NSG2: variants seen among roughly 807,000 people sequenced by gnomAD.
NSG2 encodes the protein neuronal vesicle trafficking-associated protein 2.
In NSG2, 4 loss-of-function variants were observed where a neutral mutation model predicts 16.9. The observed-to-expected ratio is 0.24, with a 90% CI of 0.12 to 0.54. The LOEUF (loss-of-function observed/expected upper bound fraction) is 0.54. NSG2 is among the 20% of genes least tolerant of loss of function. NSG2 has a pLI of 0.95. For missense variants in NSG2, 179 were observed against 221.1 expected, an observed-to-expected ratio of 0.81 and a Z score of 1.21; for synonymous variants, 98 against 88.7, an observed-to-expected ratio of 1.11 and a Z score of -0.59.
At chr5:174,061,828 C>T (rs1490109493) in intron 2 of NSG2, among the ~76,000 whole-genome samples, 1 of 151,552 alleles carries the variant, frequency 6.6e-6, no homozygotes, top group African/African-American at 2.4e-5. Context: ...TGGTCTTGAT[C>T]TCTTGACCCC....
rs1417049070 is a variant in NSG2 at position 174,061,047 on chromosome 5, A to G, written c.130-3185A>G. 3.3e-5 allele frequency among the ~76,000 whole-genome samples: 5 copies of G among 152,180 alleles called. No homozygotes were observed. In the South Asian group the frequency reaches 8.3e-4, roughly 25 times the overall value. On this transcript the variant is annotated intron_variant, in intron 2 of 4. Coordinates refer to ENST00000303177, the MANE Select transcript of NSG2 (RefSeq NM_015980.5). ...AATTAGAATGCTGCCTACCCCAAAA[A>G]GCAATTATTACCCCAAGGCTTGTGG... is the stretch of plus-strand genomic sequence containing the variant.
At chr5:174,061,636 G>T (rs1027169138) in intron 2 of NSG2, among the ~76,000 whole-genome samples, 3 of 152,022 alleles carry the variant, frequency 2.0e-5, no homozygotes, top group African/African-American at 7.2e-5. Flanking sequence ...ACAGAGTGTT[G>T]CTCTGTCGCC....
chr5:174,093,110 G>A (rs1007242736), intron 3 of NSG2, among the ~76,000 whole-genome samples: 6 of 152,188 alleles, frequency 3.9e-5, no homozygotes, highest in Admixed American at 3.3e-4. Context: ...ACAGGTCTGA[G>A]TTATAATCCT....
At chr5:174,075,159 T>C (rs1760316438) in intron 3 of NSG2, among the ~76,000 whole-genome samples, 1 of 152,206 alleles carries the variant, frequency 6.6e-6, no homozygotes, top group African/African-American at 2.4e-5. Flanking sequence ...AGCCTGTGAG[T>C]CATTTCCCAT....
chr5:174,057,426 G>A (rs1018520716), intron 2 of NSG2, among the ~76,000 whole-genome samples: 20 of 152,148 alleles, frequency 1.3e-4, no homozygotes, highest in Admixed American at 1.2e-3. Flanking sequence ...TAAAAAAAAG[G>A]AACTGTGACT....
At chr5:174,102,680 G>C (rs1295412203) in intron 3 of NSG2, among the ~76,000 whole-genome samples, 1 of 152,094 alleles carries the variant, frequency 6.6e-6, no homozygotes, top group Non-Finnish European at 1.5e-5. Context: ...TTCAGATAGT[G>C]GATAGGAACT....
At chr5:174,092,895 T>C (rs1760742317) in intron 3 of NSG2, among the ~76,000 whole-genome samples, 1 of 152,150 alleles carries the variant, frequency 6.6e-6, no homozygotes, top group South Asian at 2.1e-4. Context: ...TAAGCTGGGA[T>C]CCATGTAGAT....
chr5:174,066,969 G>A (rs1354104539), intron 3 of NSG2, among the ~76,000 whole-genome samples: 1 of 111,052 alleles, frequency 9.0e-6, no homozygotes, highest in Non-Finnish European at 1.6e-5. Context: ...CAGCCTGGGC[G>A]ACAGAGCGAG....
intron 4 of NSG2, 108 bp downstream of exon 4, chr5:174,104,446 C>A: frequency 2.6e-6 from 2 of 757,490 alleles, no homozygotes; most frequent in Non-Finnish European, 4.5e-6. Flanking sequence ...ACCTCTCTAC[C>A]GACTGTTTAA....
chr5:174,062,019 C>T (rs938512703), intron 2 of NSG2, among the ~76,000 whole-genome samples: 14 of 151,290 alleles, frequency 9.3e-5, no homozygotes, highest in African/African-American at 3.2e-4. Flanking sequence ...GGTGACACTG[C>T]AGCCTGACAG....
intron 2 of NSG2, among the ~76,000 whole-genome samples, chr5:174,061,134 T>TACACAC (rs57892892): frequency 6.6e-6 from 1 of 151,580 alleles, no homozygotes; most frequent in South Asian, 2.1e-4. Context: ...ATGTATATAT[T>TACACAC]ACACACACAC....
At chr5:174,104,067 G>T (rs1176842256) in intron 3 of NSG2, among the ~76,000 whole-genome samples, 161 bp from the exon 4 acceptor site, 2 of 152,138 alleles carry the variant, frequency 1.3e-5, no homozygotes, top group African/African-American at 4.8e-5. Context: ...GAGGCCCAAA[G>T]ACTGCAAGTT....
intron 3 of NSG2, among the ~76,000 whole-genome samples, chr5:174,089,200 T>TG (rs1437106459): frequency 1.3e-5 from 2 of 152,192 alleles, no homozygotes; most frequent in African/African-American, 2.4e-5. Context: ...TGTATTCACC[T>TG]GGCAAGCATC....
At chr5:174,054,019 C>T (rs1399891936) in intron 2 of NSG2, among the ~76,000 whole-genome samples, 1 of 152,228 alleles carries the variant, frequency 6.6e-6, no homozygotes, top group Non-Finnish European at 1.5e-5. Flanking sequence ...CTGGGAACAA[C>T]TTGGACTATT....
At position 174,078,014 on chromosome 5, in the gene NSG2, C is replaced by A. The variant is rs1313449214; in HGVS notation, c.213+13699C>A. ...ACATCTGTGCTGTCCAAATTGGAAG[C>A]CCCTAGCCACCTGTGGCTATATACA... On this transcript the variant is annotated intron_variant, in intron 3 of 4. Coordinates refer to ENST00000303177, the MANE Select transcript of NSG2 (RefSeq NM_015980.5). Among the ~76,000 whole-genome samples the A allele has an allele frequency of 2.0e-5, 3 of 152,202 alleles. No homozygotes were observed. The East Asian group carries it at 5.8e-4, about 29-fold the overall frequency.
chr5:174,104,116 TCC>T (rs1760941380), intron 3 of NSG2, 110 bp from the exon 4 acceptor site: 1 of 726,670 alleles, frequency 1.4e-6, no homozygotes, highest in Admixed American at 2.1e-5. Context: ...CTTGGGCCTG[TCC>T]CCCTTTCTAG....
At chr5:174,066,953 G>A (rs1760150402) in intron 3 of NSG2, among the ~76,000 whole-genome samples, 1 of 121,438 alleles carries the variant, frequency 8.2e-6, no homozygotes, top group Admixed American at 1.1e-4. Context: ...TCCCGCCACT[G>A]CACTCCAGCC....
intron 2 of NSG2, among the ~76,000 whole-genome samples, chr5:174,051,254 G>A (rs1759884410): frequency 6.6e-6 from 1 of 152,028 alleles, no homozygotes; most frequent in Non-Finnish European, 1.5e-5. Flanking sequence ...CCCCAGTCCT[G>A]CCCCTGGGTA....
intron 3 of NSG2, among the ~76,000 whole-genome samples, chr5:174,085,291 T>A (rs1760589197): frequency 6.6e-6 from 1 of 152,226 alleles, no homozygotes; most frequent in Non-Finnish European, 1.5e-5. Context: ...ATAAGGAGAC[T>A]GAGGCTCAGA....
Sources: allele counts gnomAD v4.1 joint callset (sites outside exome capture counted in the v4.1 genomes callset), GRCh38; gene constraint gnomAD v4.1.1; transcripts MANE v1.5; gene names NCBI Gene and HGNC (gene_info 2026-07-23, HGNC 2026-07-21).